The following PPARGC1A variants were observed in gnomAD, a reference collection of about 807,000 sequenced individuals.
PPARGC1A encodes the protein peroxisome proliferator-activated receptor gamma coactivator 1-alpha.
PPARGC1A carries 25 observed loss-of-function variants against 88.7 expected under a neutral mutation model. That is an observed-to-expected ratio of 0.28 (90% CI 0.21 to 0.39). PPARGC1A has a LOEUF of 0.39. Among genes scored for constraint, PPARGC1A ranks in the 10% least tolerant of loss-of-function variants. The probability of loss-of-function intolerance (pLI) is 1.00; values close to 1 mark genes in which losing one functional copy is unlikely to be tolerated. For missense variants in PPARGC1A, 880 were observed against 968.7 expected (o/e 0.91, Z 1.22); for synonymous variants, 363 against 355.6 (o/e 1.02, Z -0.24).
intron 2 of PPARGC1A, among the ~76,000 whole-genome samples, chr4:23,832,377 TC>T (rs1358418292): frequency 6.6e-6 from 1 of 152,074 alleles, no homozygotes; most frequent in African/African-American, 2.4e-5. Context: ...TCATAATAGC[TC>T]CCTCATCCCC....
chr4:24,131,179 AT>A, the PPARGC1A span, among the ~76,000 whole-genome samples: 1 of 151,932 alleles, frequency 6.6e-6, no homozygotes, highest in African/African-American at 2.4e-5. Flanking sequence ...TGCTTCTTTG[AT>A]AAATGTTTGT....
intron 5 of PPARGC1A, chr4:23,825,168 T>A (rs915088868): frequency 1.3e-5 from 2 of 151,992 alleles, no homozygotes; most frequent in African/African-American, 4.8e-5. Flanking sequence ...GAATCTTACC[T>A]CCTACAGGAG....
chr4:24,002,098 A>ACACAGAGAGAGATT, the PPARGC1A span, among the ~76,000 whole-genome samples: 1 of 75,784 alleles, frequency 1.3e-5, no homozygotes, highest in African/African-American at 6.3e-5. Flanking sequence ...ACACACACAC[A>ACACAGAGAGAGATT]GAGAGAGAGA....
chr4:24,356,667 A>T, the PPARGC1A span, among the ~76,000 whole-genome samples: 1 of 152,230 alleles, frequency 6.6e-6, no homozygotes, highest in Non-Finnish European at 1.5e-5. Flanking sequence ...TGGAAGGCAC[A>T]GTCTCCTTGT....
chr4:24,111,181 T>C, the PPARGC1A span, among the ~76,000 whole-genome samples: 19 of 152,214 alleles, frequency 1.2e-4, no homozygotes, highest in South Asian at 4.1e-4. Flanking sequence ...ACCTATTGAT[T>C]GTTAATTGAG....
At chr4:23,859,538 T>G (rs1730829839) in intron 2 of PPARGC1A, among the ~76,000 whole-genome samples, 1 of 152,026 alleles carries the variant, frequency 6.6e-6, no homozygotes, top group Non-Finnish European at 1.5e-5. Context: ...TCCCAGTACT[T>G]TGGGAGGTCG....
At chr4:24,209,355 G>A in the PPARGC1A span, among the ~76,000 whole-genome samples, 8 of 152,170 alleles carry the variant, frequency 5.3e-5, no homozygotes, top group African/African-American at 1.9e-4. Context: ...TAAAGCAGTT[G>A]CTCCCAACAC....
chr4:23,889,384 T>C, intron 1 of PPARGC1A: 1 of 984,170 alleles, frequency 1.0e-6, no homozygotes, highest in African/African-American at 1.7e-5. Flanking sequence ...AAAAGCAATC[T>C]AAAATAGCCC....
intron 1 of PPARGC1A, chr4:23,889,487 T>C (rs1474018279): frequency 8.3e-6 from 4 of 480,076 alleles, no homozygotes; most frequent in Non-Finnish European, 1.1e-5. Context: ...GGACTATATT[T>C]GAACACATCC....
the PPARGC1A span, among the ~76,000 whole-genome samples, chr4:24,396,053 G>A: frequency 0.26 from 38,991 of 151,956 alleles, 6,826 homozygotes; most frequent in African/African-American, 0.5. Flanking sequence ...AGATGCAACA[G>A]GTGTCCGAGA....
At chr4:23,868,209 G>A (rs545781059) in intron 2 of PPARGC1A, among the ~76,000 whole-genome samples, 10 of 152,074 alleles carry the variant, frequency 6.6e-5, no homozygotes, top group East Asian at 1.9e-4. Context: ...ATGCACATTC[G>A]CTTAACACAA....
intron 9 of PPARGC1A, 59 bp from the exon 10 acceptor site, chr4:23,812,926 T>C (rs1721200533): frequency 3.1e-6 from 5 of 1,613,148 alleles, no homozygotes; most frequent in Non-Finnish European, 4.2e-6. Flanking sequence ...GCAAAATGAA[T>C]AATAATATGG....
At chr4:24,283,449 G>T in the PPARGC1A span, among the ~76,000 whole-genome samples, 2 of 152,142 alleles carry the variant, frequency 1.3e-5, no homozygotes, top group Non-Finnish European at 2.9e-5. Context: ...CTTGAAAGAG[G>T]GAACAAACGA....
chr4:24,255,432 T>C, the PPARGC1A span, among the ~76,000 whole-genome samples: 60 of 152,316 alleles, frequency 3.9e-4, no homozygotes, highest in African/African-American at 1.2e-3. Context: ...CATTTTCAAG[T>C]TTAAGGGGAC....
the PPARGC1A span, among the ~76,000 whole-genome samples, chr4:24,250,281 G>A: frequency 1.3e-5 from 2 of 152,330 alleles, no homozygotes; most frequent in Admixed American, 6.5e-5. Flanking sequence ...TAACACCTGT[G>A]CTCATTTGCT....
At chr4:24,107,395 G>C in the PPARGC1A span, among the ~76,000 whole-genome samples, 1 of 152,180 alleles carries the variant, frequency 6.6e-6, no homozygotes. Flanking sequence ...CTTCCGTCTA[G>C]TAGGGTTGAC....
Position 23,874,350 on chromosome 4 carries a change from C to T in PPARGC1A, c.234+10402G>A, listed in dbSNP as rs537611899. 7.9e-5 allele frequency among the ~76,000 whole-genome samples: 12 copies of T among 152,304 alleles called. No individual in the cohort carries two copies. In the East Asian group the frequency reaches 2.3e-3, roughly 29 times the overall value. ...TCGCAGAAACAGATGTGCAGTGTGA[C>T]TGCGACCAAAATGGATTGACGATGA... On this transcript the variant is annotated intron_variant, in intron 2 of 12. Coordinates refer to ENST00000264867, the MANE Select transcript of PPARGC1A (RefSeq NM_013261.5).
chr4:24,133,633 C>T, the PPARGC1A span, among the ~76,000 whole-genome samples: 2 of 152,126 alleles, frequency 1.3e-5, no homozygotes, highest in Admixed American at 6.5e-5. Context: ...GATAATTGTA[C>T]GTCCCTCCCT....
chr4:24,188,182 G>A, the PPARGC1A span, among the ~76,000 whole-genome samples: 2 of 151,630 alleles, frequency 1.3e-5, no homozygotes, highest in African/African-American at 4.9e-5. Context: ...GACACTGTGA[G>A]CAGGGGGAGA....
Sources: gnomAD v4.1 joint callset for allele counts (sites outside exome capture counted in the v4.1 genomes callset) on GRCh38, gnomAD v4.1.1 for gene constraint, MANE v1.5 for transcripts, NCBI Gene and HGNC (gene_info 2026-07-23, HGNC 2026-07-21) for gene names.